NRXN1: variants seen among roughly 807,000 people sequenced by gnomAD.
The protein encoded by NRXN1 is neurexin-1.
In NRXN1, 39 loss-of-function variants were observed where a neutral mutation model predicts 150.9. The observed-to-expected ratio is 0.26, with a 90% CI of 0.20 to 0.34. The LOEUF (loss-of-function observed/expected upper bound fraction) is 0.34. Among genes scored for constraint, NRXN1 ranks in the 10% least tolerant of loss-of-function variants. The pLI, the probability that NRXN1 is intolerant of heterozygous loss-of-function variation, is 1.00. For missense variants in NRXN1, 1,815 were observed against 1,949.9 expected, an observed-to-expected ratio of 0.93 and a Z score of 1.30; for synonymous variants, 924 against 757.0, an observed-to-expected ratio of 1.22 and a Z score of -3.62.
chr2:50,483,715 A>G (rs1331645954), intron 15 of NRXN1, among the ~76,000 whole-genome samples: 1 of 152,170 alleles, frequency 6.6e-6, no homozygotes, highest in Non-Finnish European at 1.5e-5. Context: ...TCCCAGGCTA[A>G]TTCTTTTCTG....
At chr2:49,966,639 A>C (rs981874491) in intron 21 of NRXN1, 4 of 152,102 alleles carry the variant, frequency 2.6e-5, no homozygotes, top group African/African-American at 9.7e-5. Context: ...TTAAGTCTTC[A>C]CCAGTAGATA....
chr2:50,438,050 A>G (rs1021255727), intron 17 of NRXN1, among the ~76,000 whole-genome samples: 3 of 152,142 alleles, frequency 2.0e-5, no homozygotes, highest in African/African-American at 7.2e-5. Flanking sequence ...GAAACACCAA[A>G]AATAAATTTC....
intron 21 of NRXN1, among the ~76,000 whole-genome samples, chr2:49,983,424 A>G (rs1242097271): frequency 6.6e-6 from 1 of 152,142 alleles, no homozygotes; most frequent in East Asian, 1.9e-4. Flanking sequence ...AGTCTTTTAT[A>G]GGTCATTTAG....
intron 5 of NRXN1, among the ~76,000 whole-genome samples, chr2:50,823,672 T>C (rs539726012): frequency 5.3e-5 from 8 of 152,172 alleles, no homozygotes; most frequent in Non-Finnish European, 1.0e-4. Context: ...TCTATGCTTC[T>C]AGAAGACAAA....
chr2:50,086,845 A>AGAGAGAGAGAGAGAAG (rs4032305), intron 19 of NRXN1, among the ~76,000 whole-genome samples: 16 of 150,932 alleles, frequency 1.1e-4, no homozygotes, highest in African/African-American at 3.7e-4. Flanking sequence ...AGAGAGAGAG[A>AGAGAGAGAGAGAGAAG]GAGAGCGAGC....
At chr2:50,062,613 A>G (rs956886449) in intron 19 of NRXN1, among the ~76,000 whole-genome samples, 15 of 152,164 alleles carry the variant, frequency 9.9e-5, no homozygotes, top group Admixed American at 6.6e-5. Context: ...TAAGTAGCAC[A>G]AAGCAATAAA....
chr2:49,930,418 C>A (rs905143672), intron 22 of NRXN1, among the ~76,000 whole-genome samples: 3 of 151,970 alleles, frequency 2.0e-5, no homozygotes, highest in Admixed American at 2.0e-4. Flanking sequence ...GACAAACAAC[C>A]TAACAGAAGT....
intron 18 of NRXN1, among the ~76,000 whole-genome samples, chr2:50,218,490 CT>C (rs34919769): frequency 0.4 from 55,187 of 136,556 alleles, 9,874 homozygotes; most frequent in Middle Eastern, 0.44. Context: ...TTAGCACCTT[CT>C]TTTTTTTTTT....
At chr2:50,410,757 G>C (rs2083090912) in intron 17 of NRXN1, among the ~76,000 whole-genome samples, 1 of 152,326 alleles carries the variant, frequency 6.6e-6, no homozygotes, top group Middle Eastern at 3.4e-3. Context: ...GAGATGCAGA[G>C]TATAGATGGC....
At chr2:50,687,228 C>T (rs1471046814) in intron 5 of NRXN1, among the ~76,000 whole-genome samples, 1 of 152,156 alleles carries the variant, frequency 6.6e-6, no homozygotes, top group African/African-American at 2.4e-5. Context: ...TGGGAAGGAG[C>T]AATTCTGGAT....
chr2:51,018,551 G>A (rs1287278613), intron 2 of NRXN1, among the ~76,000 whole-genome samples: 1 of 152,024 alleles, frequency 6.6e-6, no homozygotes, highest in Non-Finnish European at 1.5e-5. Context: ...TATGTGTTGG[G>A]AAGCCAAACA....
At chr2:50,253,580 T>C (rs533018157) in intron 17 of NRXN1, among the ~76,000 whole-genome samples, 1 of 152,246 alleles carries the variant, frequency 6.6e-6, no homozygotes, top group African/African-American at 2.4e-5. Context: ...TTTTGAGATA[T>C]GTTACATTAA....
chr2:50,692,443 G>C (rs1245920903), intron 5 of NRXN1, among the ~76,000 whole-genome samples: 3 of 151,982 alleles, frequency 2.0e-5, no homozygotes, highest in Admixed American at 2.0e-4. Flanking sequence ...AAACATTTCA[G>C]TCTGCTTAAG....
At chr2:50,400,493 T>C (rs911726441) in intron 17 of NRXN1, among the ~76,000 whole-genome samples, 1 of 152,082 alleles carries the variant, frequency 6.6e-6, no homozygotes, top group Non-Finnish European at 1.5e-5. Flanking sequence ...ATGAATATAA[T>C]AAAGAAAAAC....
intron 5 of NRXN1, among the ~76,000 whole-genome samples, chr2:50,806,581 A>G (rs984031425): frequency 1.3e-5 from 2 of 152,170 alleles, no homozygotes; most frequent in African/African-American, 4.8e-5. Flanking sequence ...GACTTAGTTG[A>G]ATATCTTTCA....
chr2:50,642,083 G>A (rs2104486638), intron 5 of NRXN1, among the ~76,000 whole-genome samples: 1 of 152,076 alleles, frequency 6.6e-6, no homozygotes, highest in South Asian at 2.1e-4. Context: ...AAATTGTAAG[G>A]ACCATTTTAT....
At chr2:50,425,487 T>C (rs1056749366) in intron 17 of NRXN1, among the ~76,000 whole-genome samples, 2 of 152,204 alleles carry the variant, frequency 1.3e-5, no homozygotes, top group African/African-American at 2.4e-5. Context: ...TTTTTATTTT[T>C]ATTTCTGAAA....
chr2:50,558,369 A>C (rs1573540926), intron 8 of NRXN1, among the ~76,000 whole-genome samples: 1 of 152,188 alleles, frequency 6.6e-6, no homozygotes, highest in Non-Finnish European at 1.5e-5. Flanking sequence ...TTCGTTTTTG[A>C]TAGCAGTTGC....
chr2:50,468,333 C>G (rs139038605), intron 16 of NRXN1, among the ~76,000 whole-genome samples: 7 of 151,550 alleles, frequency 4.6e-5, no homozygotes, highest in Non-Finnish European at 1.0e-4. Context: ...AGCATACAGA[C>G]GTGCTGTATT....
Sources: gnomAD v4.1 joint callset for allele counts (sites outside exome capture counted in the v4.1 genomes callset) on GRCh38, gnomAD v4.1.1 for gene constraint, MANE v1.5 for transcripts, NCBI Gene and HGNC (gene_info 2026-07-23, HGNC 2026-07-21) for gene names.